The following TCERG1 variants were observed in gnomAD, a reference collection of about 807,000 sequenced individuals.
TCERG1 encodes the protein TATA box binding protein (TBP)-associated factor, RNA polymerase II, S, 150kD.
TCERG1 carries 37 observed loss-of-function variants against 144.7 expected under a neutral mutation model. The ratio of observed to expected loss-of-function variants is 0.26; its 90% CI spans 0.20 to 0.34. TCERG1 has a LOEUF of 0.34. Ranked by LOEUF, TCERG1 falls within the 10% of genes least tolerant of loss-of-function variation. The pLI, the probability that TCERG1 is intolerant of heterozygous loss-of-function variation, is 1.00. For synonymous variants in TCERG1, 492 were observed against 458.2 expected, an observed-to-expected ratio of 1.07 and a Z score of -0.94; for missense variants, 1,027 against 1,380.7, an observed-to-expected ratio of 0.74 and a Z score of 4.06.
rs548055907 is a variant in TCERG1 at position 146,458,197 on chromosome 5, A to G, written c.439-687A>G. 9.0e-4 allele frequency among the ~76,000 whole-genome samples: 135 copies of G among 150,604 alleles called. 1 individual carries two copies. The highest frequency in any genetic ancestry group is 3.2e-3 in the African/African-American group (131 of 40,854). ...TATTTTTTATTTTTTTATTTTTGAG[A>G]TGGAGTCTCGTGCTGTCACCCAGCC... is the stretch of plus-strand genomic sequence containing the variant. On this transcript the variant is annotated intron_variant, in intron 3 of 22. Coordinates refer to ENST00000679501, the MANE Select transcript of TCERG1 (RefSeq NM_001382548.1).
chr5:146,498,840 G>A (rs1220781164), intron 17 of TCERG1, among the ~76,000 whole-genome samples, 154 bp downstream of exon 17: 1 of 152,146 alleles, frequency 6.6e-6, no homozygotes, highest in Admixed American at 6.5e-5. Flanking sequence ...ATTTATGTAT[G>A]TATGTATTCT....
At position 146,457,294 on chromosome 5, in the gene TCERG1, A is replaced by T; in HGVS notation, c.397A>T (p.Thr133Ser). ...TCCTGGTACTCCAGCACTACCTCCT[A>T]CGGAGGAGATATGGGTTGAAAATAA... ...TAPGTPALPPTEEIWVENKTP... is the reference protein window; with the variant it reads ...TAPGTPALPPSEEIWVENKTP... The change falls in exon 3 of 23, where the codon ACG becomes TCG. Residue 133 changes from threonine (T) to serine (S), a missense_variant. Thr to Ser is a moderately conservative substitution (Grantham distance 58, BLOSUM62 1). Around this residue, in one of 6 missense-constraint regions of TCERG1, gnomAD observed 175 missense variants for 197.0 expected, o/e 0.89. Coordinates refer to ENST00000679501, the MANE Select transcript of TCERG1 (RefSeq NM_001382548.1). The T allele has an allele frequency of 6.2e-7, 1 of 1,613,662 alleles. No homozygotes were observed. Among genetic ancestry groups the T allele is most frequent in the African/African-American group, 1.3e-5 (1 of 75,030 alleles).
intron 9 of TCERG1, among the ~76,000 whole-genome samples, chr5:146,478,264 G>A (rs1765034763): frequency 1.3e-5 from 2 of 152,158 alleles, no homozygotes; most frequent in African/African-American, 4.8e-5. Context: ...ATCACAAATT[G>A]CTTTGCATTT....
chr5:146,459,162 CCAGGCT>C lies in TCERG1; in HGVS notation c.722_727del (p.Ala241_Gln242del). ...CTCAGGCACAAGCTCAGGCCCAGGCCCAGGCTCAGGTCCAGGCCCAGGTCCAGGCAC... is the reference window on the plus strand; with the variant it reads ...CTCAGGCACAAGCTCAGGCCCAGGCCCAGGTCCAGGCCCAGGTCCAGGCAC... On this transcript the variant is annotated inframe_deletion, in exon 4 of 23. Transcript: ENST00000679501. The C allele has an allele frequency of 6.2e-7, 1 of 1,612,174 alleles. No homozygotes were observed. Among genetic ancestry groups the C allele is most frequent in the Non-Finnish European group, 8.5e-7 (1 of 1,178,638 alleles).
chr5:146,484,060 AACAGCCTT>A (rs1189535948), intron 15 of TCERG1, among the ~76,000 whole-genome samples: 3 of 152,156 alleles, frequency 2.0e-5, no homozygotes, highest in Non-Finnish European at 4.4e-5. Flanking sequence ...TTGAATACTG[AACAGCCTT>A]CTTGACCATT....
At chr5:146,468,473 C>T in intron 6 of TCERG1, 70 bp downstream of exon 6, 7 of 1,452,126 alleles carry the variant, frequency 4.8e-6, no homozygotes, top group African/African-American at 2.9e-5. Flanking sequence ...GTTGTTTATC[C>T]TTTTATTTAT....
At chr5:146,480,184 T>A in intron 12 of TCERG1, 90 bp downstream of exon 12, 1 of 997,556 alleles carries the variant, frequency 1.0e-6, no homozygotes, top group Non-Finnish European at 1.5e-6. Flanking sequence ...ACAGGTAATG[T>A]GAATGTTGTT....
At chr5:146,506,767 C>G (rs1031891033) in intron 19 of TCERG1, among the ~76,000 whole-genome samples, 1 of 152,132 alleles carries the variant, frequency 6.6e-6, no homozygotes, top group African/African-American at 2.4e-5. Flanking sequence ...ATTTGTGTTT[C>G]TGTGCTTGAC....
chr5:146,469,861 T>A, intron 7 of TCERG1, 117 bp downstream of exon 7: 2 of 713,746 alleles, frequency 2.8e-6, no homozygotes, highest in Non-Finnish European at 2.1e-6. Flanking sequence ...AATTACACAG[T>A]CATTGGATTG....
At chr5:146,498,478 T>C in intron 16 of TCERG1, 58 bp from the exon 17 acceptor site, 1 of 1,527,088 alleles carries the variant, frequency 6.5e-7, no homozygotes, top group Non-Finnish European at 8.8e-7. Flanking sequence ...TCTTCTGCTA[T>C]GCCTTTATAC....
intron 17 of TCERG1, among the ~76,000 whole-genome samples, chr5:146,501,031 C>A (rs1767388211): frequency 1.3e-5 from 2 of 150,586 alleles, no homozygotes; most frequent in South Asian, 4.2e-4. Context: ...AAAAAAAAGT[C>A]TACTTATTTT....
intron 4 of TCERG1, 117 bp downstream of exon 4, chr5:146,459,454 T>A: frequency 6.7e-7 from 1 of 1,490,500 alleles, no homozygotes; most frequent in Non-Finnish European, 9.0e-7. Context: ...CAGAATTATT[T>A]AAAATACATT....
chr5:146,464,984 A>G (rs1763649607), intron 5 of TCERG1, among the ~76,000 whole-genome samples: 1 of 152,056 alleles, frequency 6.6e-6, no homozygotes, highest in African/African-American at 2.4e-5. Context: ...TACATTGTTG[A>G]TGTAGTGTTA....
intron 7 of TCERG1, among the ~76,000 whole-genome samples, chr5:146,470,180 A>T (rs1036442435): frequency 2.0e-4 from 31 of 152,140 alleles, no homozygotes; most frequent in African/African-American, 6.8e-4. Context: ...TGTTGTTTTT[A>T]AAATTTGAGA....
At chr5:146,475,849 G>C (rs1764795142) in intron 9 of TCERG1, among the ~76,000 whole-genome samples, 1 of 152,120 alleles carries the variant, frequency 6.6e-6, no homozygotes, top group South Asian at 2.1e-4. Context: ...GTATAGGAAG[G>C]GAAGGGCTTA....
chr5:146,509,186 T>C lies in TCERG1; in HGVS notation c.3087T>C (p.Tyr1029=), dbSNP rs750927819. 10 of 1,608,384 alleles carry C rather than the reference T, an allele frequency of 6.2e-6. No individual in the cohort carries two copies. Among genetic ancestry groups the C allele is most frequent in the Admixed American group, 1.7e-5 (1 of 58,544 alleles). ...TTGAAGAATATATCAGAGACAAATA[T>C]ATCACAGCCAAAGCTGACTTCAGGA... The part of the protein sequence containing the change: ...REFEEYIRDK[Y]ITAKADFRTL... Residue 1029 remains tyrosine, a synonymous_variant, in exon 22 of 23, where the codon TAT becomes TAC. Coordinates refer to ENST00000679501, the MANE Select transcript of TCERG1 (RefSeq NM_001382548.1).
intron 7 of TCERG1, 70 bp from the exon 8 acceptor site, chr5:146,470,566 T>C: frequency 2.4e-6 from 3 of 1,276,352 alleles, no homozygotes; most frequent in Non-Finnish European, 3.3e-6. Context: ...TCTTAATGGC[T>C]TATTCTCTGA....
In TCERG1 at chr5:146,507,608, A is replaced by G. The variant is rs1768118937; in HGVS notation, c.2962-265A>G. ...TTTGGTGATGGTTTCTTCAGAAGTT[A>G]TGATGTTTGCCCATGTAAATACAGG... On this transcript the variant is annotated intron_variant, in intron 20 of 22. Coordinates refer to ENST00000679501, the MANE Select transcript of TCERG1 (RefSeq NM_001382548.1). The surrounding 1 kb of genome is among the most constrained non-coding windows in gnomAD (Gnocchi z 4.6). 3 of 351,598 alleles carry G rather than the reference A, an allele frequency of 8.5e-6. No individual in the cohort carries two copies. The allele number at this position is 351,598 out of a possible 1,614,324, so 21.8% of individuals were successfully genotyped here.
chr5:146,455,057 A>G lies in TCERG1; in HGVS notation c.61A>G (p.Met21Val). ...SERFNPGELRMAQQQALRFRG... is the reference protein window; with the variant it reads ...SERFNPGELRVAQQQALRFRG... Reference sequence around the variant, plus strand: ...TTTATTCCTTGCTTTCCCATGCAGGATGGCCCAACAGCAGGCCTTGAGGTT... The same window carrying G: ...TTTATTCCTTGCTTTCCCATGCAGGGTGGCCCAACAGCAGGCCTTGAGGTT... Residue 21 changes from methionine (M) to valine (V), a missense_variant and splice_region_variant, in exon 2 of 23, where the codon ATG (methionine) becomes GTG (valine). By Grantham distance (21) the Met-to-Val change is conservative. This residue lies in a region of TCERG1 where 175 missense variants were observed against 197.0 expected (regional missense o/e 0.89). Coordinates refer to ENST00000679501, the MANE Select transcript of TCERG1 (RefSeq NM_001382548.1). 6.2e-7 allele frequency: 1 copy of G among 1,614,198 alleles called. No homozygotes were observed. Among genetic ancestry groups the G allele is most frequent in the South Asian group, 1.1e-5 (1 of 91,086 alleles).
Sources: allele counts gnomAD v4.1 joint callset (sites outside exome capture counted in the v4.1 genomes callset), GRCh38; gene constraint gnomAD v4.1.1; regional missense constraint gnomAD v4.1.1; non-coding constraint Gnocchi (gnomAD v3.1); transcripts MANE v1.5; gene names NCBI Gene and HGNC (gene_info 2026-07-23, HGNC 2026-07-21).